The following ASB4 variants were observed in gnomAD, a reference collection of about 807,000 sequenced individuals.
ASB4 encodes ankyrin repeat and SOCS box protein 4.
In ASB4, 35 loss-of-function variants were observed where a neutral mutation model predicts 38.6. That is an observed-to-expected ratio of 0.91 (90% CI 0.69 to 1.20). The LOEUF is 1.20. Ranked by LOEUF, ASB4 falls within the 50% of genes most tolerant of loss-of-function variation. The probability of loss-of-function intolerance (pLI) is 0.00; values close to 1 mark genes in which losing one functional copy is unlikely to be tolerated. For missense variants in ASB4, 557 were observed against 527.2 expected (o/e 1.06, Z -0.55); for synonymous variants, 195 against 201.3 (o/e 0.97, Z 0.26).
intron 3 of ASB4, among the ~76,000 whole-genome samples, chr7:95,536,190 T>C (rs1440085516): frequency 2.6e-5 from 4 of 152,196 alleles, no homozygotes; most frequent in Non-Finnish European, 5.9e-5. Flanking sequence ...CGTTTTAGCA[T>C]TCCAGGGAGC....
intron 1 of ASB4, among the ~76,000 whole-genome samples, chr7:95,489,123 T>C (rs1377664976): frequency 1.3e-5 from 2 of 152,216 alleles, no homozygotes; most frequent in African/African-American, 4.8e-5. Flanking sequence ...CAGTGTATAA[T>C]TTTTGAAAAG....
chr7:95,532,169 A>G (rs1247043551), intron 3 of ASB4, among the ~76,000 whole-genome samples: 1 of 152,214 alleles, frequency 6.6e-6, no homozygotes, highest in Middle Eastern at 3.2e-3. Flanking sequence ...ACGACAAGTA[A>G]GTGACTGACT....
chr7:95,479,793 G>A (rs545570752), intron 1 of ASB4, among the ~76,000 whole-genome samples: 1 of 152,272 alleles, frequency 6.6e-6, no homozygotes, highest in Non-Finnish European at 1.5e-5. Flanking sequence ...AGAAGTAGAA[G>A]AAAGGAAATA....
intron 2 of ASB4, among the ~76,000 whole-genome samples, chr7:95,509,508 G>C (rs924451689): frequency 6.6e-6 from 1 of 152,090 alleles, no homozygotes; most frequent in African/African-American, 2.4e-5. Context: ...TACTGAAAAG[G>C]GCACATTCAT....
Position 95,528,261 on chromosome 7 carries a change from GA to G in ASB4, c.938del (p.Asn313ThrfsTer15). On this transcript the variant is annotated frameshift_variant, in exon 3 of 5. Coordinates refer to ENST00000325885, the MANE Select transcript of ASB4 (RefSeq NM_016116.3). LOFTEE classifies it high-confidence loss of function. The part of the protein sequence containing the change: ...QPEICYQLLL[N>X]HGAARIYPPQ... ...CTGAGATCTGCTACCAGCTCCTGTT[GA>G]ACCATGGGGCTGCCCGAATATACCC... The G allele has an allele frequency of 6.2e-7, 1 of 1,614,148 alleles. No individual in the cohort carries two copies. Among genetic ancestry groups the G allele is most frequent in the African/African-American group, 1.3e-5 (1 of 75,048 alleles).
chr7:95,529,806 G>A (rs7795412), intron 3 of ASB4, among the ~76,000 whole-genome samples: 112,085 of 151,980 alleles, frequency 0.74, 41,995 homozygotes, highest in East Asian at 0.98. Context: ...TTTTTATAAT[G>A]GACTCTGAGG....
chr7:95,525,902 C>T (rs1172928666), intron 2 of ASB4, among the ~76,000 whole-genome samples: 1 of 152,134 alleles, frequency 6.6e-6, no homozygotes, highest in Non-Finnish European at 1.5e-5. Flanking sequence ...TGGGTACCTT[C>T]CTTGGGGACT....
rs758682676 is a variant in ASB4, at chr7:95,528,065, C to T, written c.740C>T (p.Ala247Val). The T allele has an allele frequency of 6.2e-7, 1 of 1,614,182 alleles. No homozygotes were observed. Among genetic ancestry groups the T allele is most frequent in the South Asian group, 1.1e-5 (1 of 91,072 alleles). ...MLLDYKAEVN[A>V]RDDDFKSPLH... is the part of the protein sequence containing the mutation. ...CTTGACTACAAAGCCGAAGTCAATG[C>T]CCGAGATGACGACTTTAAATCTCCC... is the stretch of plus-strand genomic sequence containing the variant. The change falls in exon 3 of 5, where the codon GCC (alanine) becomes GTC (valine). Residue 247 changes from alanine (A) to valine (V), a missense_variant. Physicochemically the swap from Ala to Val is moderately conservative, Grantham distance 64. Coordinates refer to ENST00000325885, the MANE Select transcript of ASB4 (RefSeq NM_016116.3).
chr7:95,483,745 G>A (rs1226810270), upstream of ASB4, among the ~76,000 whole-genome samples: 1 of 152,126 alleles, frequency 6.6e-6, no homozygotes, highest in East Asian at 1.9e-4. Context: ...TTTGTTCACT[G>A]CTGTATCTGC....
chr7:95,515,372 C>CTTTCT (rs759400192), intron 2 of ASB4, among the ~76,000 whole-genome samples: 8 of 104,760 alleles, frequency 7.6e-5, no homozygotes, highest in African/African-American at 1.7e-4. Flanking sequence ...TCTTTTCTTT[C>CTTTCT]TTTCTTTTCT....
chr7:95,532,234 C>T (rs1353563941), intron 3 of ASB4, among the ~76,000 whole-genome samples: 2 of 152,124 alleles, frequency 1.3e-5, no homozygotes, highest in African/African-American at 4.8e-5. Flanking sequence ...AATTCAGTTT[C>T]CTTATTTACA....
upstream of ASB4, among the ~76,000 whole-genome samples, chr7:95,482,452 C>A (rs1002069430): frequency 2.6e-5 from 4 of 152,148 alleles, no homozygotes; most frequent in African/African-American, 9.7e-5. Flanking sequence ...AGTTTGCCAA[C>A]CTGAGGAAAG....
At chr7:95,536,797 G>A (rs192265538) in intron 4 of ASB4, among the ~76,000 whole-genome samples, 1 of 152,084 alleles carries the variant, frequency 6.6e-6, no homozygotes, top group Non-Finnish European at 1.5e-5. Context: ...TATAAAGGTG[G>A]CAGTTTTCCT....
At chr7:95,514,498 A>G (rs1169265886) in intron 2 of ASB4, among the ~76,000 whole-genome samples, 2 of 152,332 alleles carry the variant, frequency 1.3e-5, no homozygotes, top group East Asian at 3.9e-4. Context: ...AACAAAATGG[A>G]CAGACAACCC....
At chr7:95,506,203 A>G (rs1724936308) in intron 2 of ASB4, among the ~76,000 whole-genome samples, 2 of 152,178 alleles carry the variant, frequency 1.3e-5, no homozygotes, top group Admixed American at 1.3e-4. Context: ...TGGTCAGACA[A>G]TAGTTTTAAT....
At chr7:95,532,573 A>G (rs368540825) in intron 3 of ASB4, among the ~76,000 whole-genome samples, 12 of 152,202 alleles carry the variant, frequency 7.9e-5, no homozygotes, top group African/African-American at 2.2e-4. Flanking sequence ...GAAGGTAGGC[A>G]GTTCTCTTTG....
chr7:95,533,995 A>G (rs1229246474), intron 3 of ASB4, among the ~76,000 whole-genome samples: 2 of 152,168 alleles, frequency 1.3e-5, no homozygotes, highest in East Asian at 3.9e-4. Flanking sequence ...CTTTGATGAC[A>G]CATAATAACT....
intron 2 of ASB4, among the ~76,000 whole-genome samples, chr7:95,512,993 G>T (rs1411446593): frequency 2.6e-5 from 4 of 152,178 alleles, no homozygotes; most frequent in Non-Finnish European, 4.4e-5. Flanking sequence ...GATTATCCAT[G>T]TTGGTCATGT....
intron 2 of ASB4, 131 bp from the exon 3 acceptor site, chr7:95,527,682 T>G: frequency 1.1e-6 from 1 of 898,824 alleles, no homozygotes; most frequent in Non-Finnish European, 1.6e-6. Flanking sequence ...GGCAAAGGGG[T>G]TGAGGGTTGG....
Sources: allele counts gnomAD v4.1 joint callset (sites outside exome capture counted in the v4.1 genomes callset), GRCh38; gene constraint gnomAD v4.1.1; transcripts MANE v1.5; gene names NCBI Gene and HGNC (gene_info 2026-07-23, HGNC 2026-07-21).